The following ARHGEF9 variants were observed in gnomAD, a reference collection of about 807,000 sequenced individuals.
ARHGEF9 encodes the protein rho guanine nucleotide exchange factor 9.
ARHGEF9 carries 2 observed loss-of-function variants against 41.3 expected under a neutral mutation model. The ratio of observed to expected loss-of-function variants is 0.05; its 90% confidence interval spans 0.02 to 0.15. ARHGEF9 has a LOEUF of 0.15. Ranked by LOEUF, ARHGEF9 falls within the 10% of genes least tolerant of loss-of-function variation. The pLI, the probability that ARHGEF9 is intolerant of heterozygous loss-of-function variation, is 1.00. For missense variants in ARHGEF9, 225 were observed against 424.7 expected, an observed-to-expected ratio of 0.53 and a Z score of 4.13; for synonymous variants, 160 against 154.4, an observed-to-expected ratio of 1.04 and a Z score of -0.27.
intron 1 of ARHGEF9, among the ~76,000 whole-genome samples, chrX:63,746,608 T>C (rs1249752153): frequency 2.1e-4 from 23 of 112,131 alleles, no homozygotes; most frequent in Non-Finnish European, 7.5e-5. Flanking sequence ...CTTTCTTAAC[T>C]ACTTTTAGGT....
chrX:63,641,510 T>C (rs540819585), intron 9 of ARHGEF9: 1 of 111,444 alleles, frequency 9.0e-6, no homozygotes, highest in African/African-American at 3.3e-5. Context: ...TGGAGATACA[T>C]AGGGTGGGGA....
intron 4 of ARHGEF9, among the ~76,000 whole-genome samples, chrX:63,687,135 A>G (rs2051035270): frequency 9.0e-6 from 1 of 111,564 alleles, no homozygotes; most frequent in African/African-American, 3.3e-5. Context: ...ACCAAATCAG[A>G]AAGGCTGTTT....
chrX:63,699,192 C>T (rs1164380891), intron 3 of ARHGEF9, among the ~76,000 whole-genome samples: 1 of 111,660 alleles, frequency 9.0e-6, no homozygotes, highest in African/African-American at 3.3e-5. Context: ...GTGAAGGCTT[C>T]CTTACCCCTT....
chrX:63,777,392 A>G (rs1419295681), intron 1 of ARHGEF9, among the ~76,000 whole-genome samples: 2 of 111,053 alleles, frequency 1.8e-5, no homozygotes, highest in African/African-American at 6.6e-5. Context: ...GGGAACTACA[A>G]TTAAAGATGA....
intron 7 of ARHGEF9, among the ~76,000 whole-genome samples, chrX:63,659,574 T>G (rs1174634000): frequency 9.0e-6 from 1 of 111,217 alleles, no homozygotes; most frequent in Non-Finnish European, 1.9e-5. Context: ...GCTTCACTTG[T>G]TTGTAAATAA....
intron 4 of ARHGEF9, among the ~76,000 whole-genome samples, chrX:63,678,884 C>A (rs1274266747): frequency 3.6e-5 from 4 of 111,579 alleles, no homozygotes; most frequent in African/African-American, 1.3e-4. Context: ...AACTCTGGGA[C>A]TGGATCACAA....
intron 2 of ARHGEF9, among the ~76,000 whole-genome samples, chrX:63,715,122 C>T (rs1556409270): frequency 8.9e-6 from 1 of 111,775 alleles, no homozygotes; most frequent in African/African-American, 3.3e-5. Flanking sequence ...AAGAACTACA[C>T]TCCACTCTAC....
At position 63,636,854 on chromosome X, in the gene ARHGEF9, T is replaced by A. The variant is rs1322062840; in HGVS notation, c.*1174A>T. 3.4e-6 allele frequency: 1 copy of A among 297,715 alleles called. No individual in the cohort carries two copies. The highest frequency in any genetic ancestry group is 5.9e-6 in the Non-Finnish European group (1 of 170,373). The allele number at this position is 297,715 out of a possible 1,213,427, so 24.5% of individuals were successfully genotyped here. On this transcript the variant is annotated 3_prime_UTR_variant, in exon 10 of 10. Transcript: ENST00000671741. ...AGGTCAATAATTTGAAGGTAGCTGA[T>A]GATCTTGATCAGGTGGGCTCTGTCT...
chrX:63,673,485 G>A (rs1291628202), intron 6 of ARHGEF9, among the ~76,000 whole-genome samples: 2 of 111,265 alleles, frequency 1.8e-5, no homozygotes, highest in Non-Finnish European at 3.8e-5. Flanking sequence ...TGTCTGCAAT[G>A]AAATAATCAG....
intron 1 of ARHGEF9, among the ~76,000 whole-genome samples, chrX:63,774,396 C>A (rs1716368929): frequency 9.0e-6 from 1 of 111,642 alleles, no homozygotes; most frequent in Non-Finnish European, 1.9e-5. Flanking sequence ...TGCAACCCCT[C>A]TCCTTTTCCA....
intron 1 of ARHGEF9, among the ~76,000 whole-genome samples, chrX:63,767,625 T>C (rs2056134024): frequency 8.9e-6 from 1 of 112,269 alleles, no homozygotes; most frequent in Admixed American, 9.4e-5. Context: ...CCTCATAAGA[T>C]TGTTGAGAAG....
intron 4 of ARHGEF9, among the ~76,000 whole-genome samples, chrX:63,679,931 A>G (rs1407135087): frequency 6.2e-5 from 7 of 112,349 alleles, no homozygotes; most frequent in African/African-American, 2.3e-4. Flanking sequence ...TTGTATATGC[A>G]TAAAATCCTA....
chrX:63,769,216 G>T (rs1252211838), intron 1 of ARHGEF9, among the ~76,000 whole-genome samples: 5 of 111,301 alleles, frequency 4.5e-5, no homozygotes, highest in African/African-American at 1.3e-4. Flanking sequence ...TGAAGCAAAG[G>T]TAACTCTTGT....
chrX:63,740,593 G>A (rs1383080473), intron 1 of ARHGEF9, among the ~76,000 whole-genome samples: 1 of 112,162 alleles, frequency 8.9e-6, no homozygotes, highest in Non-Finnish European at 1.9e-5. Context: ...AGTAGCAACT[G>A]AAACTCATGT....
intron 1 of ARHGEF9, among the ~76,000 whole-genome samples, chrX:63,731,113 A>G (rs1309629199): frequency 8.9e-6 from 1 of 112,217 alleles, no homozygotes. Flanking sequence ...CCATGAAGGT[A>G]GATGAGCTGG....
At chrX:63,656,773 G>A (rs1319019466) in intron 7 of ARHGEF9, 1 of 111,835 alleles carries the variant, frequency 8.9e-6, no homozygotes, top group Non-Finnish European at 1.9e-5. Context: ...CAGAAAACGG[G>A]GAGGGGCAAG....
At chrX:63,731,147 A>G (rs1444569585) in intron 1 of ARHGEF9, among the ~76,000 whole-genome samples, 1 of 112,036 alleles carries the variant, frequency 8.9e-6, no homozygotes, top group Middle Eastern at 4.2e-3. Context: ...GAAGCTCCGT[A>G]GGAGGAAAAG....
At chrX:63,699,399 C>T (rs1300619436) in intron 3 of ARHGEF9, among the ~76,000 whole-genome samples, 3 of 111,603 alleles carry the variant, frequency 2.7e-5, no homozygotes, top group African/African-American at 9.8e-5. Context: ...TAGTTGTGTC[C>T]ACTGCTCCTA....
intron 1 of ARHGEF9, among the ~76,000 whole-genome samples, chrX:63,731,521 T>C (rs2054280667): frequency 1.9e-5 from 2 of 106,835 alleles, no homozygotes; most frequent in Non-Finnish European, 3.8e-5. Context: ...ACTCACCAAA[T>C]GATCTTGGAC....
Sources: allele counts gnomAD v4.1 joint callset (sites outside exome capture counted in the v4.1 genomes callset), GRCh38; gene constraint gnomAD v4.1.1; transcripts MANE v1.5; gene names NCBI Gene and HGNC (gene_info 2026-07-23, HGNC 2026-07-21).